Variants in PJA2 observed in about 807,000 individuals in gnomAD.
PJA2 encodes the protein E3 ubiquitin-protein ligase Praja-2.
In PJA2, 25 loss-of-function variants were observed where a neutral mutation model predicts 69.3. The observed-to-expected ratio is 0.36, with a 90% CI of 0.26 to 0.50. The LOEUF is 0.50. Among genes scored for constraint, PJA2 ranks in the 20% least tolerant of loss-of-function variants. The pLI, the probability that PJA2 is intolerant of heterozygous loss-of-function variation, is 0.96. For synonymous variants in PJA2, 308 were observed against 277.8 expected (o/e 1.11, Z -1.08); for missense variants, 809 against 830.2 (o/e 0.97, Z 0.31).
chr5:109,373,047 T>C (rs1339811595), intron 4 of PJA2, among the ~76,000 whole-genome samples: 4 of 151,578 alleles, frequency 2.6e-5, no homozygotes, highest in East Asian at 1.9e-4. Flanking sequence ...TGAGCTGAGA[T>C]TGCACCGCTG....
At chr5:109,383,177 A>C (rs1473597467) in intron 2 of PJA2, among the ~76,000 whole-genome samples, 1 of 152,250 alleles carries the variant, frequency 6.6e-6, no homozygotes, top group African/African-American at 2.4e-5. Context: ...CGAAGTGGAA[A>C]GCATAAAGCT....
At chr5:109,348,773 A>G (rs1316893302) in intron 7 of PJA2, among the ~76,000 whole-genome samples, 1 of 152,216 alleles carries the variant, frequency 6.6e-6, no homozygotes, top group South Asian at 2.1e-4. Context: ...GAGGGCAGGG[A>G]AAATATGACT....
chr5:109,372,680 T>C (rs1263187291), intron 4 of PJA2, among the ~76,000 whole-genome samples: 2 of 151,434 alleles, frequency 1.3e-5, no homozygotes. Flanking sequence ...TTGAGGCAGG[T>C]GAATCACCTG....
At position 109,368,575 on chromosome 5, in the gene PJA2, T is replaced by C. The variant is rs1279409301; in HGVS notation, c.1455A>G (p.Leu485=). ...SSGPEEENQE[L]SLQEGEQTSL... is the part of the protein sequence containing the mutation. ...GTTGAACATACCCTTCCTGAAGAGA[T>C]AATTCTTGGTTTTCTTCTTCAGGGC... Residue 485 remains leucine, a synonymous_variant, in exon 5 of 10, where the codon TTA becomes TTG. Transcript: ENST00000361189. The C allele has an allele frequency of 1.2e-6, 2 of 1,613,480 alleles. No homozygotes were observed. The highest frequency in any genetic ancestry group is 8.5e-7 in the Non-Finnish European group (1 of 1,179,728).
intron 1 of PJA2, among the ~76,000 whole-genome samples, chr5:109,403,270 A>G (rs1170456175): frequency 6.6e-6 from 1 of 152,100 alleles, no homozygotes; most frequent in Non-Finnish European, 1.5e-5. Flanking sequence ...AAAACTACTA[A>G]CGCTCACTTA....
chr5:109,339,294 G>A (rs1384976311), intron 9 of PJA2, among the ~76,000 whole-genome samples: 3 of 152,116 alleles, frequency 2.0e-5, no homozygotes, highest in Non-Finnish European at 4.4e-5. Context: ...AAGAGTGAGG[G>A]GATAGGAAGA....
At chr5:109,402,391 A>G (rs1365070730) in intron 1 of PJA2, among the ~76,000 whole-genome samples, 1 of 152,164 alleles carries the variant, frequency 6.6e-6, no homozygotes, top group Non-Finnish European at 1.5e-5. Context: ...AGGCTGTATT[A>G]ATATTAGATA....
chr5:109,403,976 CA>C (rs1346609341), intron 1 of PJA2, among the ~76,000 whole-genome samples: 1 of 151,928 alleles, frequency 6.6e-6, no homozygotes, highest in Non-Finnish European at 1.5e-5. Context: ...GGGGCTGAGG[CA>C]GAAGAATCAC....
intron 4 of PJA2, among the ~76,000 whole-genome samples, chr5:109,372,430 C>T (rs184549651): frequency 3.4e-4 from 52 of 152,274 alleles, no homozygotes; most frequent in African/African-American, 1.2e-3. Flanking sequence ...TGTATAAAAT[C>T]GCTTCTTTTG....
At chr5:109,382,464 T>A (rs558866014) in intron 2 of PJA2, among the ~76,000 whole-genome samples, 1 of 152,344 alleles carries the variant, frequency 6.6e-6, no homozygotes, top group East Asian at 1.9e-4. Flanking sequence ...ATATATATAT[T>A]AAGTGTAAGT....
intron 7 of PJA2, among the ~76,000 whole-genome samples, chr5:109,350,417 C>T (rs1435078104): frequency 6.6e-6 from 1 of 152,054 alleles, no homozygotes; most frequent in East Asian, 1.9e-4. Flanking sequence ...TAGCATAATC[C>T]TTTATCAGCA....
In PJA2 at chr5:109,337,012, A is replaced by G; in HGVS notation, c.*219T>C. On this transcript the variant is annotated 3_prime_UTR_variant, in exon 10 of 10. Transcript: ENST00000361189. ...ACAATTAATACAAACATATTCAACTAAAGAAAATGGATGCACTGTCTCAAC... is the reference window on the plus strand; with the variant it reads ...ACAATTAATACAAACATATTCAACTGAAGAAAATGGATGCACTGTCTCAAC... The G allele has an allele frequency of 7.2e-6, 2 of 277,028 alleles. No homozygotes were observed. Among genetic ancestry groups the G allele is most frequent in the South Asian group, 1.8e-4 (2 of 11,028 alleles). 17.2% of individuals were successfully genotyped at this position (277,028 alleles called of 1,614,324 possible).
intron 1 of PJA2, among the ~76,000 whole-genome samples, chr5:109,397,251 T>G (rs1747435405): frequency 3.9e-5 from 6 of 152,204 alleles, no homozygotes; most frequent in Admixed American, 3.9e-4. Context: ...CTTTATAAAT[T>G]ACCCAGTCTT....
At chr5:109,365,341 A>T (rs562973876) in intron 5 of PJA2, among the ~76,000 whole-genome samples, 1 of 152,218 alleles carries the variant, frequency 6.6e-6, no homozygotes, top group Non-Finnish European at 1.5e-5. Flanking sequence ...AAGGAAATCT[A>T]TATGAATATG....
At chr5:109,369,390 C>T (rs1236511745) in intron 4 of PJA2, among the ~76,000 whole-genome samples, 1 of 152,086 alleles carries the variant, frequency 6.6e-6, no homozygotes, top group Admixed American at 6.6e-5. Context: ...TATCACTTTA[C>T]TTTTTCTTAC....
intron 9 of PJA2, among the ~76,000 whole-genome samples, chr5:109,342,415 G>C (rs1762086798): frequency 7.9e-6 from 1 of 126,172 alleles, no homozygotes; most frequent in African/African-American, 3.2e-5. Flanking sequence ...GCCCGGTCCG[G>C]GAGGGAGGTG....
In PJA2 at chr5:109,381,698, C is replaced by T; in HGVS notation, c.37G>A (p.Asp13Asn). 6.2e-7 allele frequency: 1 copy of T among 1,612,924 alleles called. No individual in the cohort carries two copies. Residue 13 changes from aspartate to asparagine, a missense_variant, in exon 3 of 10, where the codon GAC becomes AAC. By Grantham distance (23) the Asp-to-Asn change is conservative (BLOSUM62 1). This residue lies in a region of PJA2 where 700 missense variants were observed against 639.5 expected (regional missense o/e 1.09). Transcript: ENST00000361189. ...QYTEKEPAAM[D>N]QESGKAVWPK... ...CAGACAGCCTTACCAGATTCTTGGT[C>T]CATTGCTGAAAAAAAAGTTAAAAAA...
chr5:109,393,847 A>C (rs1174097766), intron 1 of PJA2, among the ~76,000 whole-genome samples: 1 of 152,178 alleles, frequency 6.6e-6, no homozygotes, highest in Non-Finnish European at 1.5e-5. Flanking sequence ...GAAATGAAAA[A>C]CAGCCAAATA....
At chr5:109,395,107 T>A (rs944804398) in intron 1 of PJA2, among the ~76,000 whole-genome samples, 1 of 152,192 alleles carries the variant, frequency 6.6e-6, no homozygotes, top group Non-Finnish European at 1.5e-5. Flanking sequence ...CAGTTGAAAG[T>A]CACCTCACTC....
Sources: allele counts gnomAD v4.1 joint callset (sites outside exome capture counted in the v4.1 genomes callset), GRCh38; gene constraint gnomAD v4.1.1; regional missense constraint gnomAD v4.1.1; transcripts MANE v1.5; gene names NCBI Gene and HGNC (gene_info 2026-07-23, HGNC 2026-07-21).